GPR180: variants seen among roughly 807,000 people sequenced by gnomAD.
GPR180 encodes integral membrane protein GPR180.
Under a neutral mutation model 52.6 loss-of-function variants are expected in GPR180, and 53 were observed. The observed-to-expected ratio is 1.01, with a 90% confidence interval of 0.81 to 1.27. The LOEUF (loss-of-function observed/expected upper bound fraction) is 1.27, where lower values mean the gene tolerates loss of function less well. Among genes scored for constraint, GPR180 ranks in the 50% most tolerant of loss-of-function variants. The pLI is 0.00. For missense variants in GPR180, 533 were observed against 527.0 expected (o/e 1.01, Z -0.11); for synonymous variants, 200 against 193.1 (o/e 1.04, Z -0.30).
intron 3 of GPR180, among the ~76,000 whole-genome samples, chr13:94,618,549 G>A (rs1183395249): frequency 6.7e-6 from 1 of 149,858 alleles, no homozygotes; most frequent in African/African-American, 2.5e-5. Context: ...TTCCAGAGCT[G>A]TGGTCCTCAT....
intron 2 of GPR180, 121 bp from the exon 3 acceptor site, chr13:94,612,069 C>A: frequency 2.8e-6 from 2 of 720,212 alleles, no homozygotes. Context: ...TACACAAGGT[C>A]TTGGATTTCT....
intron 5 of GPR180, among the ~76,000 whole-genome samples, chr13:94,620,634 A>G (rs975033184): frequency 2.6e-5 from 4 of 152,344 alleles, no homozygotes; most frequent in East Asian, 1.9e-4. Flanking sequence ...TCTTCACATT[A>G]TAGTTCAGCC....
intron 3 of GPR180, 131 bp from the exon 4 acceptor site, chr13:94,619,019 A>G (rs1172825983): frequency 1.4e-6 from 1 of 737,402 alleles, no homozygotes. Flanking sequence ...TTTTTCTCTT[A>G]CAAAGGTGAA....
rs1199273905 is a variant in GPR180, at chr13:94,619,229, T to C, written c.585T>C (p.Ala195=). The C allele has an allele frequency of 6.2e-7, 1 of 1,614,006 alleles. No individual in the cohort carries two copies. The highest frequency in any genetic ancestry group is 1.3e-5 in the African/African-American group (1 of 74,924). The change falls in exon 4 of 9, where the codon GCT becomes GCC. Residue 195 remains alanine (A), a synonymous_variant. Transcript: ENST00000376958. ...ACIYAQSLWQ[A]IKKGGPMHMI... ...TTTATGCTCAATCATTGTGGCAGGC[T>C]ATTAAGAAAGGCGGACCCATGCACA...
Position 94,619,303 on chromosome 13 carries a change from C to A in GPR180, c.659C>A (p.Ala220Asp), listed in dbSNP as rs2139570861. 1 of 1,614,028 alleles carries A rather than the reference C, an allele frequency of 6.2e-7. No individual in the cohort carries two copies. Among genetic ancestry groups the A allele is most frequent in the East Asian group, 2.2e-5 (1 of 44,866 alleles). ...TTALLLQAGSALANYIHFSSY... is the reference protein window; with the variant it reads ...TTALLLQAGSDLANYIHFSSY... ...GCATTGCTGTTACAAGCTGGTTCAG[C>A]TTTAGCTAATTACATTCATTTCTCC... The change falls in exon 4 of 9, where the codon GCT (alanine) becomes GAT (aspartate). Residue 220 changes from alanine to aspartate, a missense_variant. Physicochemically the swap from Ala to Asp is moderately radical, Grantham distance 126. Transcript: ENST00000376958.
chr13:94,620,500 C>T (rs947654575), intron 5 of GPR180, among the ~76,000 whole-genome samples: 1 of 152,310 alleles, frequency 6.6e-6, no homozygotes, highest in South Asian at 2.1e-4. Context: ...CCTGGTGGCA[C>T]ATCACACTAA....
In GPR180 at chr13:94,632,652, T is replaced by C. The variant is rs887121296; in HGVS notation, c.*5481T>C. The C allele has an allele frequency of 6.6e-6, 1 of 152,196 alleles. No homozygotes were observed. Among genetic ancestry groups the C allele is most frequent in the African/African-American group, 2.4e-5 (1 of 41,438 alleles). 9.4% of individuals were successfully genotyped at this position (152,196 alleles called of 1,614,324 possible). ...AAATGCCTCCACTCCAGGTTCCAGG[T>C]CTAGATCCTTGGGATTTTCTAGGTG... On this transcript the variant is annotated 3_prime_UTR_variant, in exon 9 of 9. Transcript: ENST00000376958.
intron 7 of GPR180, 46 bp from the exon 8 acceptor site, chr13:94,625,920 A>T (rs774276253): frequency 2.0e-6 from 3 of 1,482,508 alleles, no homozygotes; most frequent in Non-Finnish European, 2.8e-6. Context: ...ACATGCTGAA[A>T]AAAAGCTACA....
chr13:94,613,385 A>T (rs1889737509), intron 3 of GPR180, among the ~76,000 whole-genome samples: 1 of 152,220 alleles, frequency 6.6e-6, no homozygotes, highest in Admixed American at 6.5e-5. Context: ...TTTAAGGGAT[A>T]AACTTTTTAA....
intron 2 of GPR180, 87 bp from the exon 3 acceptor site, chr13:94,612,103 G>A: frequency 9.8e-7 from 1 of 1,021,038 alleles, no homozygotes; most frequent in Non-Finnish European, 1.5e-6. Context: ...TTAAAAGATT[G>A]TCCTAACCTC....
At chr13:94,602,364 T>C (rs535175758) in intron 1 of GPR180, among the ~76,000 whole-genome samples, 5 of 152,296 alleles carry the variant, frequency 3.3e-5, no homozygotes, top group Non-Finnish European at 5.9e-5. Context: ...TGGAAGCCAA[T>C]GTGCAAAAGA....
Position 94,601,980 on chromosome 13 carries a change from AG to A in GPR180, c.56del (p.Gly19AlafsTer43). 1 of 1,494,476 alleles carries A rather than the reference AG, an allele frequency of 6.7e-7. No homozygotes were observed. 92.6% of individuals were successfully genotyped at this position (1,494,476 alleles called of 1,614,324 possible). On this transcript the variant is annotated frameshift_variant, in exon 1 of 9. Coordinates refer to ENST00000376958, the MANE Select transcript of GPR180 (RefSeq NM_180989.6). LOFTEE classifies it high-confidence loss of function. ...AVALTCCWWP[Q>X]GSQGKTLRGS... ...GCCCTCACGTGCTGCTGGTGGCCGC[AG>A]GGCAGCCAGGGTAAGACCCTGCGGG...
chr13:94,601,861 G>C lies in GPR180; in HGVS notation c.-67G>C. On this transcript the variant is annotated 5_prime_UTR_variant, in exon 1 of 9. Coordinates refer to ENST00000376958, the MANE Select transcript of GPR180 (RefSeq NM_180989.6). ...GGCGCCCACCCCGCCTCCCCCAGCT[G>C]CCGACGTGGGGCGGGCAGCCGCCGG... 1.5e-6 allele frequency: 2 copies of C among 1,321,356 alleles called. No homozygotes were observed. Among genetic ancestry groups the C allele is most frequent in the Non-Finnish European group, 1.9e-6 (2 of 1,032,712 alleles). 81.9% of individuals were successfully genotyped at this position (1,321,356 alleles called of 1,614,324 possible). A position where few individuals can be genotyped will look rare whatever the true frequency, so the allele number is the denominator to read the frequency against.
rs772740445 is a variant in GPR180 at position 94,601,929 on chromosome 13, T to TG, written c.9dup (p.Leu4_?3). ...GTCGGTGCAGACCTGGAGACGGGCA[T>TG]GGGGGGGCTGCGGCTGCTGGCTGTG... On this transcript the variant is annotated frameshift_variant and start_lost, in exon 1 of 9. Coordinates refer to ENST00000376958, the MANE Select transcript of GPR180 (RefSeq NM_180989.6). LOFTEE classifies it high-confidence loss of function. The TG allele has an allele frequency of 1.1e-4, 164 of 1,488,026 alleles. No homozygotes were observed. Among genetic ancestry groups the TG allele is most frequent in the Admixed American group, 2.0e-4 (9 of 44,788 alleles). 92.2% of individuals were successfully genotyped at this position (1,488,026 alleles called of 1,614,324 possible). A position where few individuals can be genotyped will look rare whatever the true frequency, so the allele number is the denominator to read the frequency against.
chr13:94,609,083 G>A (rs1032530798), intron 2 of GPR180, among the ~76,000 whole-genome samples: 1 of 152,116 alleles, frequency 6.6e-6, no homozygotes, highest in Non-Finnish European at 1.5e-5. Flanking sequence ...GATTACAAGA[G>A]CTAAATGTAA....
chr13:94,604,217 C>T (rs911222962), intron 1 of GPR180, among the ~76,000 whole-genome samples: 3 of 152,108 alleles, frequency 2.0e-5, no homozygotes, highest in Non-Finnish European at 4.4e-5. Flanking sequence ...CCTGTAATCC[C>T]AGCTATTTTG....
Position 94,632,406 on chromosome 13 carries a change from A to G in GPR180, c.*5235A>G, listed in dbSNP as rs1339982170. ...TGAAACACAAATTATAGCATAACATACAGACTTTTGCACATTCAGCAATTT... is the reference window on the plus strand; with the variant it reads ...TGAAACACAAATTATAGCATAACATGCAGACTTTTGCACATTCAGCAATTT... On this transcript the variant is annotated 3_prime_UTR_variant, in exon 9 of 9. Transcript: ENST00000376958. 2.0e-5 allele frequency: 3 copies of G among 152,196 alleles called. No homozygotes were observed. Among genetic ancestry groups the G allele is most frequent in the African/African-American group, 7.2e-5 (3 of 41,444 alleles). 9.4% of individuals were successfully genotyped at this position (152,196 alleles called of 1,614,324 possible).
chr13:94,631,415 G>A lies in GPR180; in HGVS notation c.*4244G>A, dbSNP rs1266020806. ...TGTGTATGTGTATTAGATCCTAGTG[G>A]TTCTTTTCTGATCAGACCCTGATTA... is the stretch of plus-strand genomic sequence containing the variant. On this transcript the variant is annotated 3_prime_UTR_variant, in exon 9 of 9. Transcript: ENST00000376958. The A allele has an allele frequency of 6.6e-6, 1 of 151,508 alleles. No individual in the cohort carries two copies. Among genetic ancestry groups the A allele is most frequent in the African/African-American group, 2.4e-5 (1 of 41,150 alleles). 9.4% of individuals were successfully genotyped at this position (151,508 alleles called of 1,614,324 possible). A position where few individuals can be genotyped will look rare whatever the true frequency, so the allele number is the denominator to read the frequency against.
At chr13:94,624,140 C>G (rs954367604) in intron 7 of GPR180, among the ~76,000 whole-genome samples, 1 of 152,080 alleles carries the variant, frequency 6.6e-6, no homozygotes, top group African/African-American at 2.4e-5. Context: ...GATCTAAAAG[C>G]AAATTCAGTT....
Sources: allele counts gnomAD v4.1 joint callset (sites outside exome capture counted in the v4.1 genomes callset), GRCh38; gene constraint gnomAD v4.1.1; transcripts MANE v1.5; gene names NCBI Gene and HGNC (gene_info 2026-07-23, HGNC 2026-07-21).